TBC1D16: variants seen among roughly 807,000 people sequenced by gnomAD.
TBC1D16 encodes TBC1 domain family member 16, also known as CTD-2529O21.1.
Under a neutral mutation model 74.7 loss-of-function variants are expected in TBC1D16, and 58 were observed. The ratio of observed to expected loss-of-function variants is 0.78; its 90% CI spans 0.63 to 0.97. The LOEUF (loss-of-function observed/expected upper bound fraction) is 0.97. Among genes scored for constraint, TBC1D16 ranks in the 50% least tolerant of loss-of-function variants. The pLI is 0.00. For synonymous variants in TBC1D16, 493 were observed against 474.7 expected (o/e 1.04, Z -0.50); for missense variants, 1,014 against 1,079.5 (o/e 0.94, Z 0.85).
rs1280539835 is a variant in TBC1D16 at position 79,944,276 on chromosome 17, T to G, written c.1908+632A>C. On this transcript the variant is annotated intron_variant, in intron 10 of 11. Coordinates refer to ENST00000310924, the MANE Select transcript of TBC1D16 (RefSeq NM_019020.4). The surrounding 1 kb of genome is among the most constrained non-coding windows in gnomAD (Gnocchi z 7.7). ...TCCTGGATGCGTCGATGTGAGTTTTTTTTTTAAAAGGCTGATGGACTCAAA... is the reference window on the plus strand; with the variant it reads ...TCCTGGATGCGTCGATGTGAGTTTTGTTTTTAAAAGGCTGATGGACTCAAA... Among the ~76,000 whole-genome samples the G allele has an allele frequency of 6.6e-6, 1 of 152,222 alleles. No homozygotes were observed. The highest frequency in any genetic ancestry group is 1.5e-5 in the Non-Finnish European group (1 of 68,034).
In TBC1D16 at chr17:80,010,168, A is replaced by G. The variant is rs59152781; in HGVS notation, c.771T>C (p.Ser257=). The G allele has an allele frequency of 0.016, 26,236 of 1,609,432 alleles. 402 individuals are homozygous for G. Among genetic ancestry groups the G allele is most frequent in the Middle Eastern group, 0.049 (288 of 5,906 alleles). Residue 257 remains serine (S), a synonymous_variant, in exon 3 of 12, where the codon AGT becomes AGC. Coordinates refer to ENST00000310924, the MANE Select transcript of TBC1D16 (RefSeq NM_019020.4). This position sits in a 1 kb window ranked among gnomAD's most constrained non-coding sequence, Gnocchi z 8.8. ...AESRGSVFLE[S]DSSPPSSSDA... ...CAGAACCAGGAACTCACCTGCTGTC[A>G]CTTTCCAGAAACACGGAGCCGCGGC...
rs182424882 is a variant in TBC1D16, at chr17:79,957,961, G to A, written c.780-5143C>T. ...TGTAAAAAAGTATGTAAATTAAAAA[G>A]AAAAATATAAATGCCCAACAGAAAA... On this transcript the variant is annotated intron_variant, in intron 3 of 11. Transcript: ENST00000310924. 3.9e-3 allele frequency among the ~76,000 whole-genome samples: 587 copies of A among 150,284 alleles called. 3 individuals are homozygous for A. Among genetic ancestry groups the A allele is most frequent in the Non-Finnish European group, 6.9e-3 (466 of 67,636 alleles).
At chr17:80,004,025 G>A (rs547596028) in intron 3 of TBC1D16, among the ~76,000 whole-genome samples, 14 of 152,306 alleles carry the variant, frequency 9.2e-5, no homozygotes, top group South Asian at 4.1e-4. Flanking sequence ...ACCGTATGCC[G>A]GCCTGAGCAA....
Position 79,987,560 on chromosome 17 carries a change from G to A in TBC1D16, c.779+22600C>T, listed in dbSNP as rs567286480. Among the ~76,000 whole-genome samples, 427 of 152,190 alleles carry A rather than the reference G, an allele frequency of 2.8e-3. 2 individuals carry two copies. The highest frequency in any genetic ancestry group is 2.0e-3 in the Non-Finnish European group (134 of 67,992). On this transcript the variant is annotated intron_variant, in intron 3 of 11. Coordinates refer to ENST00000310924, the MANE Select transcript of TBC1D16 (RefSeq NM_019020.4). This position sits in a 1 kb window ranked among gnomAD's most constrained non-coding sequence, Gnocchi z 5.2. Reference sequence around the variant, plus strand: ...TCATGCCTGACCTATTTTTAAACCAGAATAAGCAGGTACAGAAGTTTGCCT... The same window carrying A: ...TCATGCCTGACCTATTTTTAAACCAAAATAAGCAGGTACAGAAGTTTGCCT...
Position 79,981,031 on chromosome 17 carries a change from A to G in TBC1D16, c.780-28213T>C, listed in dbSNP as rs2034557607. On this transcript the variant is annotated intron_variant, in intron 3 of 11. Coordinates refer to ENST00000310924, the MANE Select transcript of TBC1D16 (RefSeq NM_019020.4). This position sits in a 1 kb window ranked among gnomAD's most constrained non-coding sequence, Gnocchi z 6.9. ...TGATACCAATCACCAACATCCTTTG[A>G]TAAGACCTTGGCTACTCATTTATAT... Among the ~76,000 whole-genome samples, 1 of 152,236 alleles carries G rather than the reference A, an allele frequency of 6.6e-6. No homozygotes were observed. The highest frequency in any genetic ancestry group is 2.1e-4 in the South Asian group (1 of 4,836).
intron 3 of TBC1D16, 146 bp from the exon 4 acceptor site, chr17:79,952,964 C>A (rs754415445): frequency 2.0e-5 from 17 of 841,378 alleles, no homozygotes; most frequent in Non-Finnish European, 2.9e-5. Context: ...CCTGTAAACA[C>A]CTGTGAATAA....
At chr17:80,026,867 C>T (rs904898273) in intron 1 of TBC1D16, among the ~76,000 whole-genome samples, 2 of 149,404 alleles carry the variant, frequency 1.3e-5, no homozygotes, top group African/African-American at 5.1e-5. Flanking sequence ...GAACTCAGAG[C>T]AAGGGGGACA....
Position 79,935,564 on chromosome 17 carries a change from G to C in TBC1D16, c.*5295C>G, listed in dbSNP as rs1161076437. 2 of 152,292 alleles carry C rather than the reference G, an allele frequency of 1.3e-5. No homozygotes were observed. The highest frequency in any genetic ancestry group is 4.8e-5 in the African/African-American group (2 of 41,464). The allele number at this position is 152,292 out of a possible 1,614,324, so 9.4% of individuals were successfully genotyped here. On this transcript the variant is annotated 3_prime_UTR_variant, in exon 12 of 12. Transcript: ENST00000310924. ...CACGGGGCCCTGTTTGCCCAGCACA[G>C]AGCCTGCCGTGCTTTGACCCAGCAA...
intron 3 of TBC1D16, among the ~76,000 whole-genome samples, chr17:79,989,338 G>A (rs1160520097): frequency 6.6e-6 from 1 of 152,246 alleles, no homozygotes; most frequent in Non-Finnish European, 1.5e-5. Context: ...TCTCACTGGT[G>A]GTTGGTTCAG....
At chr17:80,029,727 C>T (rs1335431869) in intron 1 of TBC1D16, among the ~76,000 whole-genome samples, 1 of 152,170 alleles carries the variant, frequency 6.6e-6, no homozygotes. Flanking sequence ...CCTCATTCCA[C>T]GCGTATGAGC....
chr17:79,998,810 C>T (rs1020156774), intron 3 of TBC1D16, among the ~76,000 whole-genome samples: 4 of 152,134 alleles, frequency 2.6e-5, no homozygotes, highest in Non-Finnish European at 4.4e-5. Flanking sequence ...GCTTCCACCG[C>T]GCCCGTATGA....
chr17:79,999,589 C>T (rs543867322), intron 3 of TBC1D16, among the ~76,000 whole-genome samples: 4 of 119,266 alleles, frequency 3.4e-5, no homozygotes, highest in Admixed American at 1.1e-4. Flanking sequence ...GTTGCCCAGG[C>T]TGGAGTGCAG....
In TBC1D16 at chr17:80,010,587, T is replaced by C. The variant is rs763726784; in HGVS notation, c.352A>G (p.Ser118Gly). Residue 118 changes from serine to glycine, a missense_variant, in exon 3 of 12, where the codon AGC becomes GGC. By Grantham distance (56) the Ser-to-Gly change is moderately conservative. Coordinates refer to ENST00000310924, the MANE Select transcript of TBC1D16 (RefSeq NM_019020.4). This position sits in a 1 kb window ranked among gnomAD's most constrained non-coding sequence, Gnocchi z 8.8. ...GAGGGCTGGTGGGAGGCTCCTGAGCTCCGGGTGCGCCGGCCCCGAGGGCGG... is the reference window on the plus strand; with the variant it reads ...GAGGGCTGGTGGGAGGCTCCTGAGCCCCGGGTGCGCCGGCCCCGAGGGCGG... Reference protein sequence around the residue: ...APRPRGRRTRSSGASHQPSPT... With the variant: ...APRPRGRRTRGSGASHQPSPT... 3.1e-6 allele frequency: 5 copies of C among 1,592,428 alleles called. No individual in the cohort carries two copies. The East Asian group carries it at 9.0e-5, about 29-fold the overall frequency.
rs2034548905 is a variant in TBC1D16 at position 79,980,799 on chromosome 17, A to G, written c.780-27981T>C. ...GCTTCCCAAAAATCTTCTCGGACTC[A>G]GTGGCACACCTGGGACTGCCCGAAT... is the stretch of plus-strand genomic sequence containing the variant. On this transcript the variant is annotated intron_variant, in intron 3 of 11. Transcript: ENST00000310924. This position sits in a 1 kb window ranked among gnomAD's most constrained non-coding sequence, Gnocchi z 7.0. Among the ~76,000 whole-genome samples, 2 of 152,208 alleles carry G rather than the reference A, an allele frequency of 1.3e-5. No individual in the cohort carries two copies.
At chr17:79,997,851 G>A (rs191739856) in intron 3 of TBC1D16, among the ~76,000 whole-genome samples, 316 of 152,270 alleles carry the variant, frequency 2.1e-3, no homozygotes, top group Non-Finnish European at 3.3e-3. Flanking sequence ...GCAGCCGGGC[G>A]CGGTGGCTCA....
chr17:80,035,152 G>A lies in TBC1D16; in HGVS notation c.-63+643C>T, dbSNP rs1259938062. Among the ~76,000 whole-genome samples the A allele has an allele frequency of 1.4e-4, 22 of 152,152 alleles. No individual in the cohort carries two copies. Among genetic ancestry groups the A allele is most frequent in the Non-Finnish European group, 2.9e-5 (2 of 68,024 alleles). ...AGGATTTCAGGATTCAGCGGCTTCC[G>A]GCAGGATCCCCTAGGTTATGTTTAG... is the stretch of plus-strand genomic sequence containing the variant. On this transcript the variant is annotated intron_variant, in intron 1 of 11. Coordinates refer to ENST00000310924, the MANE Select transcript of TBC1D16 (RefSeq NM_019020.4). This position sits in a 1 kb window ranked among gnomAD's most constrained non-coding sequence, Gnocchi z 5.3.
chr17:79,998,859 G>A (rs139100577), intron 3 of TBC1D16, among the ~76,000 whole-genome samples: 1,635 of 152,290 alleles, frequency 0.011, 35 homozygotes, highest in African/African-American at 0.036. Flanking sequence ...GGTTTCATGT[G>A]AAGGATGGTT....
In TBC1D16 at chr17:79,993,414, C is replaced by T. The variant is rs1174898494; in HGVS notation, c.779+16746G>A. The stretch of plus-strand genomic sequence containing the variant: ...TGAGGCCAGGAGGCACTTAGGTGGA[C>T]GGGCACCAGGAGCCCTGTGTCCTCT... On this transcript the variant is annotated intron_variant, in intron 3 of 11. Transcript: ENST00000310924. The surrounding 1 kb of genome is among the most constrained non-coding windows in gnomAD (Gnocchi z 5.1). Among the ~76,000 whole-genome samples the T allele has an allele frequency of 3.3e-5, 5 of 152,186 alleles. No individual in the cohort carries two copies. Among genetic ancestry groups the T allele is most frequent in the South Asian group, 2.1e-4 (1 of 4,836 alleles).
chr17:80,002,419 T>G (rs1172449494), intron 3 of TBC1D16, among the ~76,000 whole-genome samples: 2 of 152,244 alleles, frequency 1.3e-5, no homozygotes, highest in African/African-American at 4.8e-5. Context: ...GGCTGGCACC[T>G]GCCAGGGAAG....
Sources: allele counts gnomAD v4.1 joint callset (sites outside exome capture counted in the v4.1 genomes callset), GRCh38; gene constraint gnomAD v4.1.1; non-coding constraint Gnocchi (gnomAD v3.1); transcripts MANE v1.5; gene names NCBI Gene and HGNC (gene_info 2026-07-23, HGNC 2026-07-21).